The following HCLS1 variants were observed in gnomAD, a reference collection of about 807,000 sequenced individuals.
The protein encoded by HCLS1 is hematopoietic cell-specific Lyn substrate 1, also known as hematopoietic lineage cell-specific protein.
In HCLS1, 44 loss-of-function variants were observed where a neutral mutation model predicts 68.6. The observed-to-expected ratio is 0.64, with a 90% CI of 0.50 to 0.82. HCLS1 has a LOEUF of 0.82. Ranked by LOEUF, HCLS1 falls within the 40% of genes least tolerant of loss-of-function variation. The probability of loss-of-function intolerance (pLI) is 0.00; values close to 1 mark genes in which losing one functional copy is unlikely to be tolerated. For missense variants in HCLS1, 602 were observed against 612.1 expected (o/e 0.98, Z 0.17); for synonymous variants, 217 against 225.8 (o/e 0.96, Z 0.35).
intron 1 of HCLS1, among the ~76,000 whole-genome samples, chr3:121,658,681 AG>A (rs1201507150): frequency 2.0e-5 from 3 of 152,238 alleles, no homozygotes; most frequent in Admixed American, 6.5e-5. Flanking sequence ...CCAGCCAGGC[AG>A]TGGCTGGAGG....
chr3:121,657,336 T>A lies in HCLS1; in HGVS notation c.101A>T (p.Lys34Met). ...DPDFVNDISE[K>M]EQRWGAKTIE... ...GGTCTTGGCTCCCCATCGTTGCTCC[T>A]TTTCAGAGATGTCATTCTGCAAACG... is the stretch of plus-strand genomic sequence containing the variant. The change falls in exon 3 of 14, where the codon AAG becomes ATG. Residue 34 changes from lysine (K) to methionine (M), a missense_variant. By Grantham distance (95) the Lys-to-Met change is moderately conservative. Transcript: ENST00000314583. The A allele has an allele frequency of 6.2e-7, 1 of 1,614,034 alleles. No individual in the cohort carries two copies. Among genetic ancestry groups the A allele is most frequent in the South Asian group, 1.1e-5 (1 of 91,076 alleles).
chr3:121,634,365 TCTC>T lies in HCLS1; in HGVS notation c.742_744del (p.Glu248del), dbSNP rs746573749. The T allele has an allele frequency of 1.9e-6, 3 of 1,613,878 alleles. No homozygotes were observed. In the African/African-American group the frequency reaches 4.0e-5, roughly 22 times the overall value. ...TTCTCCTCTTCCTCTCGCTTCCTCT[TCTC>T]CTCAGCCATGGACTCAAATTTCGCC... On this transcript the variant is annotated inframe_deletion, in exon 10 of 14. Transcript: ENST00000314583.
intron 7 of HCLS1, among the ~76,000 whole-genome samples, 183 bp from the exon 8 acceptor site, chr3:121,636,672 G>A (rs751719344): frequency 2.0e-5 from 3 of 152,140 alleles, no homozygotes; most frequent in Admixed American, 6.5e-5. Flanking sequence ...ATCTGGGAGC[G>A]AATGGAGAAG....
At chr3:121,637,861 G>A (rs553609092) in intron 6 of HCLS1, among the ~76,000 whole-genome samples, 1 of 152,094 alleles carries the variant, frequency 6.6e-6, no homozygotes, top group Admixed American at 6.5e-5. Flanking sequence ...ACTTGAACAT[G>A]GGGGGTGGAG....
chr3:121,657,272 C>T lies in HCLS1; in HGVS notation c.158+7G>A. ...CCTTCCTTTTCTCCAGTCCTTTCGGCACCTACTTGATGTGTTCTGTGCGTC... is the reference window on the plus strand; with the variant it reads ...CCTTCCTTTTCTCCAGTCCTTTCGGTACCTACTTGATGTGTTCTGTGCGTC... On this transcript the variant is annotated splice_region_variant and intron_variant, in intron 3 of 13. Transcript: ENST00000314583. 6.2e-7 allele frequency: 1 copy of T among 1,612,140 alleles called. No individual in the cohort carries two copies.
intron 6 of HCLS1, among the ~76,000 whole-genome samples, chr3:121,641,790 T>C (rs576430793): frequency 1.6e-4 from 24 of 152,168 alleles, no homozygotes; most frequent in South Asian, 4.2e-4. Context: ...TTCAAAAACT[T>C]GATCAATATG....
rs1287193667 is a variant in HCLS1, at chr3:121,647,354, C to T, written c.253G>A (p.Gly85Ser). The T allele has an allele frequency of 6.2e-7, 1 of 1,613,944 alleles. No homozygotes were observed. The highest frequency in any genetic ancestry group is 8.5e-7 in the Non-Finnish European group (1 of 1,180,002). ...CGGTCTCTTTCTACTCCAAACCGACCTCCATAGCCATGGGATGCTTTGGGC... is the reference window on the plus strand; with the variant it reads ...CGGTCTCTTTCTACTCCAAACCGACTTCCATAGCCATGGGATGCTTTGGGC... The part of the protein sequence containing the change: ...SGPKASHGYG[G>S]RFGVERDRMD... The change falls in exon 4 of 14, where the codon GGT (glycine) becomes AGT (serine). Residue 85 changes from glycine (G) to serine (S), a missense_variant. Transcript: ENST00000314583.
In HCLS1 at chr3:121,634,144, C is replaced by T. The variant is rs946893211; in HGVS notation, c.903+63G>A. On this transcript the variant is annotated intron_variant, in intron 10 of 13. Transcript: ENST00000314583. ...CCTTATTTTCTGCCAATGGTTTGGA[C>T]CCCTTAGGCTCCTGTCTGGGCAAGA... The T allele has an allele frequency of 3.1e-6, 5 of 1,603,858 alleles. No homozygotes were observed. The African/African-American group carries it at 6.7e-5, about 21-fold the overall frequency.
chr3:121,657,786 C>T (rs1380397350), intron 2 of HCLS1, among the ~76,000 whole-genome samples: 1 of 152,136 alleles, frequency 6.6e-6, no homozygotes, highest in Non-Finnish European at 1.5e-5. Flanking sequence ...GAGATTGCAC[C>T]ACCGTACTCC....
chr3:121,637,390 G>A, intron 6 of HCLS1, 134 bp from the exon 7 acceptor site: 1 of 624,540 alleles, frequency 1.6e-6, no homozygotes, highest in Non-Finnish European at 2.9e-6. Flanking sequence ...TGAATACAGG[G>A]GAATTAAAGA....
intron 8 of HCLS1, 35 bp from the exon 9 acceptor site, chr3:121,635,839 GA>G (rs1560137748): frequency 1.9e-6 from 3 of 1,582,784 alleles, no homozygotes; most frequent in African/African-American, 1.3e-5. Flanking sequence ...TGTTGCGGGA[GA>G]GGGGCAAGGG....
At chr3:121,637,279 G>A (rs1409039278) in intron 6 of HCLS1, 23 bp from the exon 7 acceptor site, 3 of 1,522,212 alleles carry the variant, frequency 2.0e-6, no homozygotes, top group East Asian at 4.5e-5. Context: ...GAGCAGTCAT[G>A]AGAGCCCACC....
intron 6 of HCLS1, among the ~76,000 whole-genome samples, chr3:121,639,182 T>C (rs1050157892): frequency 2.0e-5 from 3 of 152,238 alleles, no homozygotes; most frequent in Admixed American, 6.5e-5. Flanking sequence ...AGTAAAATTA[T>C]AGAAGATCCA....
chr3:121,642,617 G>A (rs543791261), intron 6 of HCLS1, among the ~76,000 whole-genome samples: 1 of 151,840 alleles, frequency 6.6e-6, no homozygotes, highest in South Asian at 2.1e-4. Flanking sequence ...TCTCTACAAA[G>A]AATAAAAAAT....
At chr3:121,641,642 A>G (rs2049199597) in intron 6 of HCLS1, among the ~76,000 whole-genome samples, 1 of 152,240 alleles carries the variant, frequency 6.6e-6, no homozygotes, top group Non-Finnish European at 1.5e-5. Flanking sequence ...AAAATATTCT[A>G]TGTTTCCAAT....
rs762653127 is a variant in HCLS1 at position 121,642,889 on chromosome 3, T to TGAA, written c.454+37_454+38insTTC. On this transcript the variant is annotated intron_variant, in intron 6 of 13. Transcript: ENST00000314583. Reference sequence around the variant, plus strand: ...AAGTCTTAGCAGAAGAGCCTGCCGGTCAGATTGCTGAGGCTGAGTGAAGTA... The same window carrying TGAA: ...AAGTCTTAGCAGAAGAGCCTGCCGGTGAACAGATTGCTGAGGCTGAGTGAAGTA... The TGAA allele has an allele frequency of 6.5e-6, 10 of 1,540,370 alleles. 1 individual carries two copies. In the South Asian group the frequency reaches 1.0e-4, roughly 16 times the overall value.
intron 6 of HCLS1, among the ~76,000 whole-genome samples, chr3:121,640,692 A>G (rs1265791911): frequency 1.3e-5 from 2 of 151,084 alleles, no homozygotes; most frequent in Non-Finnish European, 2.9e-5. Flanking sequence ...TGGGAGGCCA[A>G]GGCAGAAGGA....
At chr3:121,649,562 T>G (rs892021193) in intron 3 of HCLS1, among the ~76,000 whole-genome samples, 10 of 152,192 alleles carry the variant, frequency 6.6e-5, no homozygotes, top group African/African-American at 2.4e-4. Context: ...CATCATTCCT[T>G]CATTTTATAA....
chr3:121,654,578 C>T (rs998366143), intron 3 of HCLS1, among the ~76,000 whole-genome samples: 1 of 152,114 alleles, frequency 6.6e-6, no homozygotes, highest in Non-Finnish European at 1.5e-5. Flanking sequence ...ATGCATAGGA[C>T]CATTTGAATT....
Sources: gnomAD v4.1 joint callset for allele counts (sites outside exome capture counted in the v4.1 genomes callset) on GRCh38, gnomAD v4.1.1 for gene constraint, MANE v1.5 for transcripts, NCBI Gene and HGNC (gene_info 2026-07-23, HGNC 2026-07-21) for gene names.